MGMT: variants seen among roughly 807,000 people sequenced by gnomAD.
MGMT encodes the protein O-6-methylguanine-DNA methyltransferase, also known as methylated-DNA--protein-cysteine methyltransferase.
Under a neutral mutation model 15.9 loss-of-function variants are expected in MGMT, and 14 were observed. That is an observed-to-expected ratio of 0.88 (90% CI 0.58 to 1.37). MGMT has a LOEUF of 1.37. Among genes scored for constraint, MGMT ranks in the 40% most tolerant of loss-of-function variants. MGMT has a pLI of 0.00. For missense variants in MGMT, 282 were observed against 268.1 expected, an observed-to-expected ratio of 1.05 and a Z score of -0.36; for synonymous variants, 130 against 118.2, an observed-to-expected ratio of 1.10 and a Z score of -0.65.
At chr10:129,561,707 C>G (rs548142972) in intron 2 of MGMT, among the ~76,000 whole-genome samples, 8 of 152,118 alleles carry the variant, frequency 5.3e-5, no homozygotes, top group Non-Finnish European at 1.0e-4. Flanking sequence ...ATAGCATAAA[C>G]TGCTATGTCT....
intron 1 of MGMT, among the ~76,000 whole-genome samples, chr10:129,488,002 TATACACAC>T (rs1156724513): frequency 6.6e-5 from 5 of 75,786 alleles, no homozygotes; most frequent in African/African-American, 1.7e-4. Context: ...CACACATAGG[TATACACAC>T]ACACACACAC....
At position 129,755,596 on chromosome 10, in the gene MGMT, T is replaced by C. The variant is rs78795749; in HGVS notation, c.275-3606T>C. Among the ~76,000 whole-genome samples, 174 of 152,258 alleles carry C rather than the reference T, an allele frequency of 1.1e-3. 2 individuals carry two copies. The highest frequency in any genetic ancestry group is 4.0e-3 in the African/African-American group (166 of 41,562). Reference sequence around the variant, plus strand: ...ACGGACCTTGACAGGTCACCACCCATGGAGCTGTGATGGTTGAGGGAAAGG... The same window carrying C: ...ACGGACCTTGACAGGTCACCACCCACGGAGCTGTGATGGTTGAGGGAAAGG... On this transcript the variant is annotated intron_variant, in intron 3 of 4. Coordinates refer to ENST00000651593, the MANE Select transcript of MGMT (RefSeq NM_002412.5).
At chr10:129,676,188 C>G (rs898412843) in intron 2 of MGMT, among the ~76,000 whole-genome samples, 4 of 152,340 alleles carry the variant, frequency 2.6e-5, no homozygotes, top group Admixed American at 1.3e-4. Flanking sequence ...CTCACCCCCG[C>G]CTTTCCCCAG....
chr10:129,762,127 G>A (rs1021134615), intron 4 of MGMT, among the ~76,000 whole-genome samples: 5 of 152,178 alleles, frequency 3.3e-5, no homozygotes, highest in Admixed American at 1.3e-4. Context: ...TCCCTTTGGC[G>A]CTGACAGCAG....
chr10:129,573,088 G>T (rs1233483056), intron 2 of MGMT, among the ~76,000 whole-genome samples: 3 of 152,114 alleles, frequency 2.0e-5, no homozygotes, highest in East Asian at 3.8e-4. Flanking sequence ...ATTAGGTAAG[G>T]TTGAACATTT....
intron 2 of MGMT, among the ~76,000 whole-genome samples, chr10:129,574,502 A>G (rs1049255634): frequency 6.6e-6 from 1 of 152,220 alleles, no homozygotes; most frequent in Non-Finnish European, 1.5e-5. Context: ...CATTTCAGTA[A>G]TGTTTTTACT....
At chr10:129,741,346 A>G (rs1038182125) in intron 3 of MGMT, among the ~76,000 whole-genome samples, 1 of 152,174 alleles carries the variant, frequency 6.6e-6, no homozygotes, top group African/African-American at 2.4e-5. Flanking sequence ...TTGAACGGCA[A>G]CACCCGGGAG....
At chr10:129,487,249 G>T (rs150652779) in intron 1 of MGMT, among the ~76,000 whole-genome samples, 1 of 152,258 alleles carries the variant, frequency 6.6e-6, no homozygotes, top group Non-Finnish European at 1.5e-5. Flanking sequence ...AATGGAAGAA[G>T]TCATGATGGT....
intron 3 of MGMT, among the ~76,000 whole-genome samples, chr10:129,723,005 CAAAAAAAAA>C (rs3039560): frequency 1.2e-4 from 7 of 60,254 alleles, no homozygotes; most frequent in Admixed American, 4.1e-4. Context: ...GACTCTATCA[CAAAAAAAAA>C]AAAAAAAAAA....
intron 3 of MGMT, among the ~76,000 whole-genome samples, chr10:129,727,720 A>G (rs760796184): frequency 5.3e-5 from 8 of 152,070 alleles, no homozygotes; most frequent in Non-Finnish European, 1.2e-4. Flanking sequence ...TGCAAAGGTG[A>G]CTCGCAGCAT....
intron 2 of MGMT, among the ~76,000 whole-genome samples, chr10:129,554,881 G>A (rs765507192): frequency 2.0e-5 from 3 of 152,098 alleles, no homozygotes; most frequent in African/African-American, 4.8e-5. Flanking sequence ...TCTCCGGAGC[G>A]AGATTCCTAA....
At chr10:129,731,860 A>C (rs1274549129) in intron 3 of MGMT, among the ~76,000 whole-genome samples, 2 of 152,224 alleles carry the variant, frequency 1.3e-5, no homozygotes, top group Non-Finnish European at 2.9e-5. Context: ...TGCCTGCCTC[A>C]GTGGAAGACA....
chr10:129,631,954 C>T (rs1485454654), intron 2 of MGMT, among the ~76,000 whole-genome samples: 3 of 152,272 alleles, frequency 2.0e-5, no homozygotes, highest in African/African-American at 2.4e-5. Flanking sequence ...CCAGGTTGGT[C>T]TTGAACTCCT....
At chr10:129,651,248 G>A (rs559563151) in intron 2 of MGMT, among the ~76,000 whole-genome samples, 30 of 152,108 alleles carry the variant, frequency 2.0e-4, no homozygotes, top group Non-Finnish European at 4.0e-4. Flanking sequence ...CTTCCCTTAG[G>A]TGCTCGTTTC....
At chr10:129,640,173 C>T (rs1435789734) in intron 2 of MGMT, among the ~76,000 whole-genome samples, 1 of 151,364 alleles carries the variant, frequency 6.6e-6, no homozygotes, top group East Asian at 1.9e-4. Context: ...TCTTGGCTCA[C>T]TGCATCCTTC....
intron 2 of MGMT, among the ~76,000 whole-genome samples, chr10:129,589,788 C>T (rs971957001): frequency 7.2e-5 from 11 of 152,240 alleles, no homozygotes; most frequent in African/African-American, 2.4e-4. Flanking sequence ...TAAAGGGCTG[C>T]TTCCACCTCC....
At chr10:129,639,608 A>T (rs1847303740) in intron 2 of MGMT, among the ~76,000 whole-genome samples, 2 of 152,236 alleles carry the variant, frequency 1.3e-5, no homozygotes, top group Non-Finnish European at 2.9e-5. Flanking sequence ...AAGAAGTCAC[A>T]GGGAAACTTA....
chr10:129,650,635 C>T (rs1564748410), intron 2 of MGMT, among the ~76,000 whole-genome samples: 1 of 152,166 alleles, frequency 6.6e-6, no homozygotes, highest in Non-Finnish European at 1.5e-5. Flanking sequence ...GCAGTGTTAC[C>T]AGTGAGCTGT....
chr10:129,742,127 G>A (rs947160831), intron 3 of MGMT, among the ~76,000 whole-genome samples: 2 of 152,226 alleles, frequency 1.3e-5, no homozygotes, highest in Non-Finnish European at 2.9e-5. Context: ...TCCTCCCATC[G>A]TTGGCTCGAG....
Sources: allele counts gnomAD v4.1 joint callset (sites outside exome capture counted in the v4.1 genomes callset), GRCh38; gene constraint gnomAD v4.1.1; transcripts MANE v1.5; gene names NCBI Gene and HGNC (gene_info 2026-07-23, HGNC 2026-07-21).